The following AFF4 variants were observed in gnomAD, a reference collection of about 807,000 sequenced individuals.
The protein encoded by AFF4 is ALF transcription elongation factor 4.
AFF4 carries 13 observed loss-of-function variants against 124.8 expected under a neutral mutation model. The ratio of observed to expected loss-of-function variants is 0.10; its 90% confidence interval spans 0.07 to 0.17. The LOEUF (loss-of-function observed/expected upper bound fraction) is 0.17, where lower values mean the gene tolerates loss of function less well. Ranked by LOEUF, AFF4 falls within the 10% of genes least tolerant of loss-of-function variation. The pLI, the probability that AFF4 is intolerant of heterozygous loss-of-function variation, is 1.00. For synonymous variants in AFF4, 477 were observed against 496.1 expected (o/e 0.96, Z 0.51); for missense variants, 1,092 against 1,403.8 (o/e 0.78, Z 3.55).
intron 5 of AFF4, among the ~76,000 whole-genome samples, chr5:132,913,022 C>A (rs1760829557): frequency 6.6e-6 from 1 of 152,074 alleles, no homozygotes; most frequent in Non-Finnish European, 1.5e-5. Flanking sequence ...AAAAGCACAA[C>A]AAAATCATAT....
At chr5:132,921,153 C>T (rs182494162) in intron 5 of AFF4, among the ~76,000 whole-genome samples, 174 of 151,758 alleles carry the variant, frequency 1.1e-3, no homozygotes, top group Admixed American at 4.4e-3. Context: ...GAATCTTAGC[C>T]CATTTAAAAA....
At chr5:132,940,946 GAA>G (rs1043467894) in intron 1 of AFF4, among the ~76,000 whole-genome samples, 2 of 151,810 alleles carry the variant, frequency 1.3e-5, no homozygotes, top group African/African-American at 4.8e-5. Flanking sequence ...AGAAAAGCTT[GAA>G]CTCAGGAGGC....
intron 5 of AFF4, among the ~76,000 whole-genome samples, chr5:132,906,322 A>G (rs542260141): frequency 1.3e-5 from 2 of 152,314 alleles, no homozygotes; most frequent in African/African-American, 2.4e-5. Context: ...GTTTATAGCA[A>G]TATTATTCAT....
chr5:132,952,527 G>A (rs993608738), intron 1 of AFF4, among the ~76,000 whole-genome samples: 26 of 152,132 alleles, frequency 1.7e-4, no homozygotes, highest in African/African-American at 6.3e-4. Flanking sequence ...CAAAAGTGGT[G>A]CTCCACCGTG....
At chr5:132,898,422 A>C (rs749636977) in intron 9 of AFF4, 30 bp from the exon 10 acceptor site, 6 of 1,598,154 alleles carry the variant, frequency 3.8e-6, no homozygotes, top group Non-Finnish European at 5.1e-6. Context: ...CAAATGTCCA[A>C]AGTTTATTTT....
chr5:132,954,673 A>C (rs1394103763), intron 1 of AFF4, among the ~76,000 whole-genome samples: 1 of 146,198 alleles, frequency 6.8e-6, no homozygotes, highest in Non-Finnish European at 1.5e-5. Context: ...TCAGCCTCCC[A>C]AGTAGCTGGG....
At chr5:132,925,548 CA>C (rs1162662571) in intron 5 of AFF4, among the ~76,000 whole-genome samples, 1 of 152,030 alleles carries the variant, frequency 6.6e-6, no homozygotes, top group African/African-American at 2.4e-5. Context: ...ATCCACAATT[CA>C]AACAAAACAA....
chr5:132,922,792 A>C (rs939494015), intron 5 of AFF4, among the ~76,000 whole-genome samples: 3 of 151,820 alleles, frequency 2.0e-5, no homozygotes, highest in Non-Finnish European at 4.4e-5. Flanking sequence ...AAAAAAAAAA[A>C]AAAACCAAAA....
At chr5:132,945,480 G>A (rs1040382714) in intron 1 of AFF4, 1 of 152,330 alleles carries the variant, frequency 6.6e-6, no homozygotes, top group East Asian at 1.9e-4. Flanking sequence ...CACTGGGCAT[G>A]GTGGGTCACG....
chr5:132,934,452 T>G lies in AFF4; in HGVS notation c.613A>C (p.Lys205Gln). The G allele has an allele frequency of 6.2e-7, 1 of 1,614,164 alleles. No individual in the cohort carries two copies. The highest frequency in any genetic ancestry group is 2.2e-5 in the East Asian group (1 of 44,876). The change falls in exon 3 of 21, where the codon AAG becomes CAG. Residue 205 changes from lysine to glutamine, a missense_variant. This residue lies in a region of AFF4 where 188 missense variants were observed against 203.0 expected (regional missense o/e 0.93). Transcript: ENST00000265343. ...SRSHGNDHHSKEHQRSKSPRD... is the reference protein window; with the variant it reads ...SRSHGNDHHSQEHQRSKSPRD... ...GGTGATTTGGAGCGTTGATGTTCCT[T>G]GCTATGGTGATCATTCCCATGAGAC... is the stretch of plus-strand genomic sequence containing the variant.
intron 1 of AFF4, among the ~76,000 whole-genome samples, chr5:132,940,296 G>A (rs1761537205): frequency 6.6e-6 from 1 of 151,708 alleles, no homozygotes; most frequent in Admixed American, 6.6e-5. Context: ...TCAGGAGATT[G>A]AGATATCCTG....
intron 5 of AFF4, among the ~76,000 whole-genome samples, chr5:132,921,934 C>G (rs1292388099): frequency 6.6e-6 from 1 of 152,098 alleles, no homozygotes; most frequent in Admixed American, 6.6e-5. Context: ...GCCTGTGCCA[C>G]CATGCCTGGG....
At chr5:132,905,239 C>G (rs1017701361) in intron 5 of AFF4, among the ~76,000 whole-genome samples, 3 of 152,008 alleles carry the variant, frequency 2.0e-5, no homozygotes, top group African/African-American at 7.3e-5. Flanking sequence ...CAGGAAGCAC[C>G]AATAGAAAGA....
intron 2 of AFF4, among the ~76,000 whole-genome samples, chr5:132,935,815 C>G (rs957426997): frequency 2.0e-5 from 3 of 150,678 alleles, no homozygotes; most frequent in African/African-American, 4.9e-5. Flanking sequence ...CCCAGCTACT[C>G]GAGAGGCTGA....
intron 10 of AFF4, among the ~76,000 whole-genome samples, chr5:132,897,641 C>T (rs996555041): frequency 7.3e-5 from 11 of 150,804 alleles, no homozygotes; most frequent in African/African-American, 1.7e-4. Flanking sequence ...ACCCGGGAGG[C>T]GGAGGTTGCA....
intron 1 of AFF4, among the ~76,000 whole-genome samples, chr5:132,953,085 G>A (rs1221448442): frequency 1.3e-5 from 2 of 151,782 alleles, no homozygotes; most frequent in Non-Finnish European, 2.9e-5. Context: ...CAGCACTTTG[G>A]GAGGGCAAGG....
intron 18 of AFF4, 111 bp from the exon 19 acceptor site, chr5:132,885,230 T>C: frequency 1.4e-6 from 1 of 705,708 alleles, no homozygotes; most frequent in South Asian, 2.0e-5. Context: ...CAGCTGTAAA[T>C]ATTTAAGACA....
chr5:132,900,795 G>A, intron 7 of AFF4: 3 of 887,218 alleles, frequency 3.4e-6, no homozygotes, highest in Non-Finnish European at 4.0e-6. Context: ...TTACATGGGA[G>A]GAAAAATTAA....
chr5:132,935,349 G>T (rs1374694567), intron 2 of AFF4, among the ~76,000 whole-genome samples: 1 of 152,236 alleles, frequency 6.6e-6, no homozygotes, highest in Non-Finnish European at 1.5e-5. Flanking sequence ...TGAAAGGCCA[G>T]GTGCAGTGGC....
Sources: allele counts gnomAD v4.1 joint callset (sites outside exome capture counted in the v4.1 genomes callset), GRCh38; gene constraint gnomAD v4.1.1; regional missense constraint gnomAD v4.1.1; transcripts MANE v1.5; gene names NCBI Gene and HGNC (gene_info 2026-07-23, HGNC 2026-07-21).